Variants in AGGF1 observed in about 807,000 individuals in gnomAD.
AGGF1 encodes the protein angiogenic factor with G patch and FHA domains 1.
A neutral mutation model predicts 86.5 loss-of-function variants in AGGF1; 56 were observed. The observed-to-expected ratio is 0.65, with a 90% CI of 0.52 to 0.81. AGGF1 has a LOEUF of 0.81. AGGF1 is among the 30% of genes least tolerant of loss of function. The pLI is 0.00. For missense variants in AGGF1, 816 were observed against 850.9 expected (o/e 0.96, Z 0.51); for synonymous variants, 313 against 297.1 (o/e 1.05, Z -0.55).
rs983593514 is a variant in AGGF1, at chr5:77,035,474, G to A, written c.314-67G>A. On this transcript the variant is annotated intron_variant, in intron 2 of 13. Coordinates refer to ENST00000312916, the MANE Select transcript of AGGF1 (RefSeq NM_018046.5). ...TTTTGTGTTTAAATGCCAGTGTTTTGTAGTTAAGTCCTTTTTATATACATT... is the reference window on the plus strand; with the variant it reads ...TTTTGTGTTTAAATGCCAGTGTTTTATAGTTAAGTCCTTTTTATATACATT... The A allele has an allele frequency of 8.3e-6, 10 of 1,209,304 alleles. No homozygotes were observed. The Admixed American group carries it at 2.1e-4, about 25-fold the overall frequency. The allele number at this position is 1,209,304 out of a possible 1,614,324, so 74.9% of individuals were successfully genotyped here.
At chr5:77,055,669 C>T (rs991724042) in intron 11 of AGGF1, 73 bp downstream of exon 11, 2 of 1,023,638 alleles carry the variant, frequency 2.0e-6, no homozygotes, top group African/African-American at 3.2e-5. Flanking sequence ...TTTAAATATG[C>T]TCAGTACATT....
intron 7 of AGGF1, 78 bp from the exon 8 acceptor site, chr5:77,048,858 G>T: frequency 7.3e-7 from 1 of 1,368,732 alleles, no homozygotes; most frequent in South Asian, 1.2e-5. Context: ...AACATTATCT[G>T]TTTTTTAAAA....
In AGGF1 at chr5:77,030,835, C is replaced by T. The variant is rs202144275; in HGVS notation, c.69C>T (p.Ala23=). 1.2e-6 allele frequency: 2 copies of T among 1,611,524 alleles called. No homozygotes were observed. The highest frequency in any genetic ancestry group is 8.5e-7 in the Non-Finnish European group (1 of 1,179,770). Residue 23 remains alanine, a synonymous_variant, in exon 1 of 14, where the codon GCC becomes GCT. Transcript: ENST00000312916. ...PPPTSPEPEL[A]QLRRKVEKLE... is the part of the protein sequence containing the mutation. The stretch of plus-strand genomic sequence containing the variant: ...CCACCTCCCCCGAGCCTGAGCTGGC[C>T]CAGCTAAGGCGGAAGGTGGAGAAGT...
rs1747612896 is a variant in AGGF1 at position 77,063,785 on chromosome 5, A to T, written c.*533A>T. On this transcript the variant is annotated 3_prime_UTR_variant, in exon 14 of 14. Coordinates refer to ENST00000312916, the MANE Select transcript of AGGF1 (RefSeq NM_018046.5). ...AGTAATGTTATTGAAGAACTAATGA[A>T]CAGGTAACATATTGTAGAAAATTAG... The T allele has an allele frequency of 6.2e-6, 1 of 161,976 alleles. No homozygotes were observed. Among genetic ancestry groups the T allele is most frequent in the Non-Finnish European group, 1.4e-5 (1 of 73,972 alleles). 10.0% of individuals were successfully genotyped at this position (161,976 alleles called of 1,614,324 possible).
Position 77,048,280 on chromosome 5 carries a change from G to A in AGGF1, c.1313+8G>A, listed in dbSNP as rs377390997. 5 of 1,544,548 alleles carry A rather than the reference G, an allele frequency of 3.2e-6. No individual in the cohort carries two copies. The African/African-American group carries it at 5.4e-5, about 17-fold the overall frequency. On this transcript the variant is annotated splice_region_variant and intron_variant, in intron 7 of 13. Coordinates refer to ENST00000312916, the MANE Select transcript of AGGF1 (RefSeq NM_018046.5). ...CCCTGCTACAATTGGAAGGTAAAAT[G>A]GTTAATATTATTATATCATTCTTTC...
chr5:77,060,633 A>G (rs1747545283), intron 12 of AGGF1, among the ~76,000 whole-genome samples: 1 of 152,188 alleles, frequency 6.6e-6, no homozygotes, highest in Non-Finnish European at 1.5e-5. Flanking sequence ...AGAACTGATA[A>G]CTAATTATAA....
chr5:77,056,226 CTTTTTTT>C lies in AGGF1; in HGVS notation c.1716+644_1716+650del, dbSNP rs770417117. On this transcript the variant is annotated intron_variant, in intron 11 of 13. Coordinates refer to ENST00000312916, the MANE Select transcript of AGGF1 (RefSeq NM_018046.5). ...GGCAGTTTGGTGGAGAAAGAGTGGT[CTTTTTTT>C]TTTTTTTTTTTTTGAGACAGAGTCT... Among the ~76,000 whole-genome samples, 509 of 104,504 alleles carry C rather than the reference CTTTTTTT, an allele frequency of 4.9e-3. 6 individuals carry two copies. Among genetic ancestry groups the C allele is most frequent in the African/African-American group, 0.017 (481 of 27,516 alleles). The allele number at this position is 104,504 out of a possible 152,430, so 68.6% of individuals were successfully genotyped here.
rs77149708 is a variant in AGGF1 at position 77,056,548 on chromosome 5, A to T, written c.1716+952A>T. On this transcript the variant is annotated intron_variant, in intron 11 of 13. Transcript: ENST00000312916. ...CGGCCAAGAGTGGTCTTTTACAACA[A>T]ATGGTGGTAGAATAATTGGATGGCC... Among the ~76,000 whole-genome samples, 625 of 151,790 alleles carry T rather than the reference A, an allele frequency of 4.1e-3. 3 individuals carry two copies. The highest frequency in any genetic ancestry group is 0.014 in the African/African-American group (595 of 41,446).
intron 12 of AGGF1, 84 bp downstream of exon 12, chr5:77,059,827 C>G: frequency 6.5e-7 from 1 of 1,535,256 alleles, no homozygotes; most frequent in Non-Finnish European, 9.0e-7. Flanking sequence ...GGCTATATAT[C>G]CTGATAGGTG....
intron 4 of AGGF1, among the ~76,000 whole-genome samples, chr5:77,037,392 C>G (rs530135926): frequency 7.2e-5 from 11 of 152,088 alleles, no homozygotes; most frequent in African/African-American, 2.7e-4. Flanking sequence ...CATTTTAGGC[C>G]ACATAAGGAG....
intron 7 of AGGF1, 69 bp downstream of exon 7, chr5:77,048,341 T>TTTTG (rs942908564): frequency 1.5e-6 from 2 of 1,304,330 alleles, no homozygotes; most frequent in Non-Finnish European, 2.2e-6. Flanking sequence ...GAGCATGTAT[T>TTTTG]TTTGTTTGTT....
intron 6 of AGGF1, 116 bp downstream of exon 6, chr5:77,046,793 A>G (rs1174630592): frequency 3.9e-6 from 4 of 1,037,010 alleles, no homozygotes; most frequent in Non-Finnish European, 5.9e-6. Flanking sequence ...ACATTATTTT[A>G]ATGATGTTAT....
intron 3 of AGGF1, 173 bp downstream of exon 3, chr5:77,035,916 AC>A: frequency 1.6e-6 from 1 of 642,626 alleles, no homozygotes; most frequent in East Asian, 2.9e-5. Flanking sequence ...CAGAATTAGA[AC>A]TTCTTCATAT....
chr5:77,031,060 G>A (rs2278241), intron 1 of AGGF1, 84 bp downstream of exon 1: 352,493 of 1,450,152 alleles, frequency 0.24, 44,573 homozygotes, highest in Admixed American at 0.27. Context: ...GGGGTCCCTG[G>A]CAGGGGCTCA....
chr5:77,052,483 C>T (rs1036120049), intron 8 of AGGF1, among the ~76,000 whole-genome samples: 2 of 151,896 alleles, frequency 1.3e-5, no homozygotes, highest in Non-Finnish European at 2.9e-5. Context: ...AGGACATATT[C>T]TAAATTTTTC....
At chr5:77,032,513 G>A (rs1054634182) in intron 1 of AGGF1, among the ~76,000 whole-genome samples, 2 of 139,956 alleles carry the variant, frequency 1.4e-5, no homozygotes, top group East Asian at 4.2e-4. Flanking sequence ...GCAGTGAGCC[G>A]AGATTGCGCC....
In AGGF1 at chr5:77,030,406, C is replaced by G; in HGVS notation, c.-361C>G. ...TCTTGGTCCCGCCTGCCGCTGGCGC[C>G]GTTGTTTCCGGCTCAACTGGGGAGC... On this transcript the variant is annotated 5_prime_UTR_variant, in exon 1 of 14. Coordinates refer to ENST00000312916, the MANE Select transcript of AGGF1 (RefSeq NM_018046.5). The G allele has an allele frequency of 2.0e-6, 1 of 494,950 alleles. No individual in the cohort carries two copies. Among genetic ancestry groups the G allele is most frequent in the Non-Finnish European group, 4.0e-6 (1 of 253,136 alleles). 30.7% of individuals were successfully genotyped at this position (494,950 alleles called of 1,614,324 possible).
intron 3 of AGGF1, 117 bp downstream of exon 3, chr5:77,035,860 A>G: frequency 5.7e-6 from 5 of 884,628 alleles, no homozygotes; most frequent in South Asian, 4.5e-5. Flanking sequence ...GGTTATAAAC[A>G]TTCTTATGTG....
intron 10 of AGGF1, 114 bp downstream of exon 10, chr5:77,054,244 T>G: frequency 8.1e-7 from 1 of 1,237,848 alleles, no homozygotes; most frequent in Non-Finnish European, 1.2e-6. Context: ...GATACTGCAT[T>G]GAGAGATATT....
Sources: gnomAD v4.1 joint callset for allele counts (sites outside exome capture counted in the v4.1 genomes callset) on GRCh38, gnomAD v4.1.1 for gene constraint, MANE v1.5 for transcripts, NCBI Gene and HGNC (gene_info 2026-07-23, HGNC 2026-07-21) for gene names.